The following CUX1 variants were observed in gnomAD, a reference collection of about 807,000 sequenced individuals.
CUX1 encodes cut like homeobox 1.
Under a neutral mutation model 158.8 loss-of-function variants are expected in CUX1, and 31 were observed. The observed-to-expected ratio is 0.20, with a 90% CI of 0.15 to 0.26. The LOEUF (loss-of-function observed/expected upper bound fraction) is 0.26. Among genes scored for constraint, CUX1 ranks in the 10% least tolerant of loss-of-function variants. The pLI, the probability that CUX1 is intolerant of heterozygous loss-of-function variation, is 1.00. For missense variants in CUX1, 1,589 were observed against 2,014.6 expected (o/e 0.79, Z 4.04); for synonymous variants, 879 against 862.1 (o/e 1.02, Z -0.34).
intron 8 of CUX1, among the ~76,000 whole-genome samples, chr7:102,148,686 A>G (rs1416331744): frequency 2.0e-5 from 3 of 148,256 alleles, no homozygotes; most frequent in African/African-American, 4.9e-5. Context: ...ACATTAATGT[A>G]TGTGTTATAT....
At chr7:101,910,687 C>T (rs1803324615) in intron 1 of CUX1, among the ~76,000 whole-genome samples, 1 of 150,302 alleles carries the variant, frequency 6.7e-6, no homozygotes, top group African/African-American at 2.5e-5. Context: ...GAAGGTTAAC[C>T]AGTGAGCCGA....
intron 3 of CUX1, among the ~76,000 whole-genome samples, chr7:102,068,325 C>T (rs193194801): frequency 6.6e-6 from 1 of 152,038 alleles, no homozygotes; most frequent in East Asian, 1.9e-4. Flanking sequence ...TTATTTTGCC[C>T]AGGCTGGTCT....
intron 14 of CUX1, among the ~76,000 whole-genome samples, chr7:102,266,247 T>G (rs1464853456): frequency 1.3e-5 from 2 of 149,046 alleles, no homozygotes; most frequent in African/African-American, 4.9e-5. Context: ...TAAGACAGAT[T>G]CAGCATCAGG....
At chr7:102,120,362 G>A (rs1486459178) in intron 8 of CUX1, among the ~76,000 whole-genome samples, 3 of 152,152 alleles carry the variant, frequency 2.0e-5, no homozygotes, top group South Asian at 2.1e-4. Context: ...ACTGAGCCTC[G>A]ATGAAAGAAA....
rs117455042 is a variant in CUX1 at position 102,270,381 on chromosome 7, C to T, written c.1256-2985C>T. ...TCTCCTGGCCTTCGCTTCCTCCCAG[C>T]GTGGAGTGACAGTTTCAAAGCACAG... On this transcript the variant is annotated intron_variant, in intron 14 of 22. Coordinates refer to the CUX1 transcript ENST00000292538. Among the ~76,000 whole-genome samples, 53 of 152,330 alleles carry T rather than the reference C, an allele frequency of 3.5e-4. No homozygotes were observed. The East Asian group carries it at 9.8e-3, about 28-fold the overall frequency.
At chr7:102,199,853 T>C (rs1374564026) in intron 16 of CUX1, among the ~76,000 whole-genome samples, 4 of 152,146 alleles carry the variant, frequency 2.6e-5, no homozygotes, top group Admixed American at 2.0e-4. Flanking sequence ...TTTGGCAGAG[T>C]AACATTGACC....
chr7:101,938,258 G>C (rs978953256), intron 2 of CUX1, among the ~76,000 whole-genome samples: 1 of 151,940 alleles, frequency 6.6e-6, no homozygotes, highest in South Asian at 2.1e-4. Context: ...GACCACAGGC[G>C]TGTGCCACCA....
At chr7:102,112,984 G>T (rs1831087347) in intron 7 of CUX1, among the ~76,000 whole-genome samples, 1 of 152,020 alleles carries the variant, frequency 6.6e-6, no homozygotes. Flanking sequence ...CAAATGACGA[G>T]AGTGGGAGAA....
chr7:102,195,155 G>A (rs1021369283), intron 13 of CUX1, among the ~76,000 whole-genome samples: 1 of 151,152 alleles, frequency 6.6e-6, no homozygotes, highest in Non-Finnish European at 1.5e-5. Context: ...TTACAGTAAC[G>A]TTCGGACAGA....
At chr7:101,885,494 G>A (rs540968344) in intron 1 of CUX1, among the ~76,000 whole-genome samples, 1 of 152,300 alleles carries the variant, frequency 6.6e-6, no homozygotes, top group South Asian at 2.1e-4. Context: ...AGGAGGTCAA[G>A]TCTGCAGTGA....
intron 2 of CUX1, chr7:101,961,283 A>C (rs549877914): frequency 6.6e-6 from 1 of 152,242 alleles, no homozygotes; most frequent in East Asian, 1.9e-4. Context: ...CTGTAAAGTA[A>C]ATGTAATAAG....
At chr7:102,144,350 C>T (rs1834798606) in intron 8 of CUX1, among the ~76,000 whole-genome samples, 1 of 152,040 alleles carries the variant, frequency 6.6e-6, no homozygotes, top group Non-Finnish European at 1.5e-5. Context: ...TTCCGACGTA[C>T]GCGTGACCTG....
At chr7:102,259,770 AAAGG>A (rs1790253183), downstream of CUX1, among the ~76,000 whole-genome samples, 2 of 148,380 alleles carry the variant, frequency 1.3e-5, no homozygotes, top group African/African-American at 5.0e-5. Context: ...AAGAAAAGAG[AAAGG>A]AAGGAAGGAA....
At chr7:101,884,791 C>T (rs1385398944) in intron 1 of CUX1, among the ~76,000 whole-genome samples, 1 of 152,202 alleles carries the variant, frequency 6.6e-6, no homozygotes. Context: ...TACACAGTGA[C>T]ACCATAAACA....
At chr7:102,198,731 C>A in intron 15 of CUX1, 71 bp from the exon 16 acceptor site, 1 of 1,356,818 alleles carries the variant, frequency 7.4e-7, no homozygotes, top group Non-Finnish European at 1.1e-6. Context: ...GATTTCATGT[C>A]ACACAGCCCA....
At chr7:101,963,900 C>G (rs1810817131) in intron 2 of CUX1, among the ~76,000 whole-genome samples, 1 of 152,170 alleles carries the variant, frequency 6.6e-6, no homozygotes, top group Admixed American at 6.5e-5. Context: ...GATCCTCCCA[C>G]CTCACCTTCC....
intron 16 of CUX1, among the ~76,000 whole-genome samples, chr7:102,275,012 C>A (rs531735295): frequency 1.4e-4 from 21 of 152,278 alleles, no homozygotes; most frequent in African/African-American, 5.1e-4. Context: ...CTGGGCCCTT[C>A]CCCAGCGTGC....
At chr7:102,149,662 T>C (rs1835421279) in intron 8 of CUX1, among the ~76,000 whole-genome samples, 1 of 152,180 alleles carries the variant, frequency 6.6e-6, no homozygotes, top group Non-Finnish European at 1.5e-5. Context: ...CTGGGAGTAA[T>C]CTTGCCCTGG....
intron 2 of CUX1, among the ~76,000 whole-genome samples, chr7:102,002,030 G>C (rs570984032): frequency 6.6e-6 from 1 of 152,282 alleles, no homozygotes; most frequent in South Asian, 2.1e-4. Flanking sequence ...ACGGTGGCTC[G>C]TGCCTGTAAT....
Sources: allele counts gnomAD v4.1 joint callset (sites outside exome capture counted in the v4.1 genomes callset), GRCh38; gene constraint gnomAD v4.1.1; transcripts MANE v1.5; gene names NCBI Gene and HGNC (gene_info 2026-07-23, HGNC 2026-07-21).